SPEN: variants seen among roughly 807,000 people sequenced by gnomAD.
The protein encoded by SPEN is msx2-interacting protein.
Under a neutral mutation model 269.9 loss-of-function variants are expected in SPEN, and 18 were observed. The ratio of observed to expected loss-of-function variants is 0.07; its 90% confidence interval spans 0.05 to 0.10. The LOEUF is 0.10. Ranked by LOEUF, SPEN falls within the 10% of genes least tolerant of loss-of-function variation. The pLI is 1.00. For missense variants in SPEN, 3,822 were observed against 4,631.2 expected (o/e 0.83, Z 5.07); for synonymous variants, 1,726 against 1,765.7 (o/e 0.98, Z 0.56).
intron 4 of SPEN, 111 bp from the exon 5 acceptor site, chr1:15,910,990 G>A: frequency 1.1e-6 from 1 of 888,856 alleles, no homozygotes. Context: ...TATATTACCT[G>A]TCTGACATGA....
rs753992826 is a variant in SPEN, at chr1:15,931,365, G to A, written c.5125G>A (p.Asp1709Asn). ...QVDLPPGADP[D>N]KEAAMMPAGV... ...AGACCTGCCCCCAGGAGCAGACCCC[G>A]ATAAAGAAGCTGCCATGATGCCTGC... Residue 1709 changes from aspartate to asparagine, a missense_variant, in exon 11 of 15, where the codon GAT (aspartate) becomes AAT (asparagine). Coordinates refer to ENST00000375759, the MANE Select transcript of SPEN (RefSeq NM_015001.3). This position sits in a 1 kb window ranked among gnomAD's most constrained non-coding sequence, Gnocchi z 4.8. The A allele has an allele frequency of 9.3e-6, 15 of 1,614,042 alleles. No individual in the cohort carries two copies. Among genetic ancestry groups the A allele is most frequent in the African/African-American group, 1.3e-5 (1 of 74,914 alleles).
intron 1 of SPEN, among the ~76,000 whole-genome samples, chr1:15,849,388 C>G (rs1156677622): frequency 6.6e-6 from 1 of 152,216 alleles, no homozygotes; most frequent in Admixed American, 6.5e-5. Context: ...GGCGGCGGAG[C>G]TCCTGTCTTT....
chr1:15,883,077 A>G (rs1232333363), intron 3 of SPEN, among the ~76,000 whole-genome samples: 1 of 152,252 alleles, frequency 6.6e-6, no homozygotes, highest in East Asian at 1.9e-4. Context: ...CTTTCTTCTT[A>G]AATAGATTTT....
rs752729354 is a variant in SPEN at position 15,934,591 on chromosome 1, G to A, written c.8351G>A (p.Arg2784Gln). The part of the protein sequence containing the change: ...KQRASANENS[R>Q]FHPGSMPVID... The stretch of plus-strand genomic sequence containing the variant: ...AGAGCGAGTGCTAATGAAAACAGTC[G>A]GTTCCACCCAGGGTCCATGCCTGTG... Residue 2784 changes from arginine to glutamine, a missense_variant, in exon 11 of 15, where the codon CGG becomes CAG. Transcript: ENST00000375759. This position sits in a 1 kb window ranked among gnomAD's most constrained non-coding sequence, Gnocchi z 9.2. 7 of 1,614,002 alleles carry A rather than the reference G, an allele frequency of 4.3e-6. No homozygotes were observed. The highest frequency in any genetic ancestry group is 4.0e-5 in the African/African-American group (3 of 74,926).
intron 5 of SPEN, among the ~76,000 whole-genome samples, chr1:15,911,887 G>A (rs763384684): frequency 1.3e-5 from 2 of 152,220 alleles, no homozygotes; most frequent in South Asian, 2.1e-4. Flanking sequence ...TGTGAACCCG[G>A]GAGGTCAAGG....
chr1:15,889,569 A>G lies in SPEN; in HGVS notation c.881+12891A>G, dbSNP rs1332957096. 7.9e-5 allele frequency among the ~76,000 whole-genome samples: 12 copies of G among 152,176 alleles called. No individual in the cohort carries two copies. The South Asian group carries it at 2.3e-3, about 29-fold the overall frequency. ...TAGAGTACAAACTGAATTGGCTTCA[A>G]AGGGTAGTCTTGCTGTCCATTCCTG... On this transcript the variant is annotated intron_variant, in intron 3 of 14. Transcript: ENST00000375759.
chr1:15,927,219 C>CCTT (rs1391654351), intron 10 of SPEN, among the ~76,000 whole-genome samples: 1 of 152,140 alleles, frequency 6.6e-6, no homozygotes, highest in Admixed American at 6.5e-5. Context: ...GTGGTGAGTT[C>CCTT]CTTAAAACTG....
chr1:15,891,524 G>A (rs1214748906), intron 3 of SPEN, among the ~76,000 whole-genome samples: 1 of 151,590 alleles, frequency 6.6e-6, no homozygotes, highest in Non-Finnish European at 1.5e-5. Context: ...GCTAATTTTT[G>A]TATTTTTGGT....
Position 15,873,030 on chromosome 1 carries a change from CGTA to C in SPEN, c.303_305del (p.Ser101del). The C allele has an allele frequency of 1.2e-6, 2 of 1,614,098 alleles. No individual in the cohort carries two copies. The highest frequency in any genetic ancestry group is 8.5e-7 in the Non-Finnish European group (1 of 1,180,034). ...GGATGATACAGTTTCCATAGCATCT[CGTA>C]GTAGAGAGGTTTCTGGGTTCAGAGG... On this transcript the variant is annotated inframe_deletion, in exon 2 of 15. Transcript: ENST00000375759.
At position 15,891,451 on chromosome 1, in the gene SPEN, A is replaced by C. The variant is rs1252098225; in HGVS notation, c.881+14773A>C. On this transcript the variant is annotated intron_variant, in intron 3 of 14. Transcript: ENST00000375759. ...AGTGCAAGGTCCGCCTCCTGGGTTC[A>C]CGCCATTCTCCTGCCTCAGCCTCCC... is the stretch of plus-strand genomic sequence containing the variant. Among the ~76,000 whole-genome samples the C allele has an allele frequency of 2.7e-5, 4 of 150,392 alleles. No individual in the cohort carries two copies. In the Admixed American group the frequency reaches 2.7e-4, roughly 10 times the overall value.
rs937782430 is a variant in SPEN at position 15,848,585 on chromosome 1, C to G, written c.83+435C>G. Among the ~76,000 whole-genome samples, 5 of 151,480 alleles carry G rather than the reference C, an allele frequency of 3.3e-5. No homozygotes were observed. Among genetic ancestry groups the G allele is most frequent in the African/African-American group, 1.2e-4 (5 of 41,422 alleles). ...TCCGGCGCCGCCACTCCAAGCTGCT[C>G]TGCGGGCGCTCGGCAATGTCTGACT... On this transcript the variant is annotated intron_variant, in intron 1 of 14. Transcript: ENST00000375759. This position sits in a 1 kb window ranked among gnomAD's most constrained non-coding sequence, Gnocchi z 5.1.
chr1:15,860,551 C>T (rs1470088938), intron 1 of SPEN, among the ~76,000 whole-genome samples: 14 of 151,148 alleles, frequency 9.3e-5, no homozygotes, highest in Admixed American at 5.3e-4. Flanking sequence ...CTCAGCCTCC[C>T]GAAGTGCTGG....
chr1:15,891,824 G>A (rs1313064181), intron 3 of SPEN, among the ~76,000 whole-genome samples: 1 of 151,284 alleles, frequency 6.6e-6, no homozygotes, highest in Non-Finnish European at 1.5e-5. Flanking sequence ...CTAATGTCAT[G>A]GTGTCATGTT....
chr1:15,887,168 G>A (rs2070743641), intron 3 of SPEN, among the ~76,000 whole-genome samples: 1 of 151,828 alleles, frequency 6.6e-6, no homozygotes, highest in Non-Finnish European at 1.5e-5. Context: ...TAGAGATGGA[G>A]TCTCACTGTG....
At chr1:15,906,735 A>T (rs1395959674) in intron 3 of SPEN, among the ~76,000 whole-genome samples, 2 of 140,598 alleles carry the variant, frequency 1.4e-5, no homozygotes, top group East Asian at 2.2e-4. Flanking sequence ...GAGTGCTGGG[A>T]TTACGGTCGT....
At position 15,932,989 on chromosome 1, in the gene SPEN, C is replaced by T; in HGVS notation, c.6749C>T (p.Pro2250Leu). 1 of 1,614,188 alleles carries T rather than the reference C, an allele frequency of 6.2e-7. No individual in the cohort carries two copies. The highest frequency in any genetic ancestry group is 1.1e-5 in the South Asian group (1 of 91,080). The change falls in exon 11 of 15, where the codon CCC becomes CTC. Residue 2250 changes from proline (P) to leucine (L), a missense_variant. Pro to Leu is a moderately conservative substitution (Grantham distance 98, BLOSUM62 -3). Transcript: ENST00000375759. The surrounding 1 kb of genome is among the most constrained non-coding windows in gnomAD (Gnocchi z 4.2). Reference protein sequence around the residue: ...PGESQTDLQPPAGAQALQPSE... With the variant: ...PGESQTDLQPLAGAQALQPSE... ...GAATCCCAGACAGATCTGCAACCCC[C>T]CGCAGGTGCACAGGCGCTGCAGCCT...
At chr1:15,880,261 T>G (rs967302638) in intron 3 of SPEN, among the ~76,000 whole-genome samples, 6 of 152,216 alleles carry the variant, frequency 3.9e-5, no homozygotes, top group African/African-American at 1.4e-4. Context: ...ACTATTTTTT[T>G]TTCCCTTCTG....
At chr1:15,890,958 C>G (rs1327892449) in intron 3 of SPEN, among the ~76,000 whole-genome samples, 1 of 152,136 alleles carries the variant, frequency 6.6e-6, no homozygotes, top group Non-Finnish European at 1.5e-5. Flanking sequence ...CACTGAATAG[C>G]CACATTTCAA....
At chr1:15,913,146 A>G (rs1173448967) in intron 5 of SPEN, among the ~76,000 whole-genome samples, 1 of 152,208 alleles carries the variant, frequency 6.6e-6, no homozygotes, top group Non-Finnish European at 1.5e-5. Flanking sequence ...TAAATCATTA[A>G]TGTTATATTG....
Sources: gnomAD v4.1 joint callset for allele counts (sites outside exome capture counted in the v4.1 genomes callset) on GRCh38, gnomAD v4.1.1 for gene constraint, Gnocchi (gnomAD v3.1) non-coding constraint, MANE v1.5 for transcripts, NCBI Gene and HGNC (gene_info 2026-07-23, HGNC 2026-07-21) for gene names.